Variants in TTC1 observed in about 807,000 individuals in gnomAD.
TTC1 encodes the protein tetratricopeptide repeat protein 1.
TTC1 carries 31 observed loss-of-function variants against 37.6 expected under a neutral mutation model. The observed-to-expected ratio is 0.82, with a 90% CI of 0.62 to 1.11. The LOEUF (loss-of-function observed/expected upper bound fraction) is 1.11. Among genes scored for constraint, TTC1 ranks in the 50% most tolerant of loss-of-function variants. The probability of loss-of-function intolerance (pLI) is 0.00; values close to 1 mark genes in which losing one functional copy is unlikely to be tolerated. For missense variants in TTC1, 351 were observed against 339.0 expected (o/e 1.04, Z -0.28); for synonymous variants, 127 against 122.4 (o/e 1.04, Z -0.25).
Position 160,043,164 on chromosome 5 carries a change from G to T in TTC1, c.536G>T (p.Ser179Ile). 7 of 1,613,344 alleles carry T rather than the reference G, an allele frequency of 4.3e-6. No homozygotes were observed. Among genetic ancestry groups the T allele is most frequent in the Non-Finnish European group, 5.9e-6 (7 of 1,179,634 alleles). Reference protein sequence around the residue: ...DKKEMAINDCSKAIQLNPSYI... With the variant: ...DKKEMAINDCIKAIQLNPSYI... ...AAAGAAATGGCCATCAATGACTGCAGCAAAGGTACAGCTTTATTATCTTAT... is the reference window on the plus strand; with the variant it reads ...AAAGAAATGGCCATCAATGACTGCATCAAAGGTACAGCTTTATTATCTTAT... The change falls in exon 5 of 8, where the codon AGC becomes ATC. Residue 179 changes from serine to isoleucine, a missense_variant. Coordinates refer to ENST00000231238, the MANE Select transcript of TTC1 (RefSeq NM_003314.3).
chr5:160,033,988 C>T (rs1415311593), intron 2 of TTC1, among the ~76,000 whole-genome samples: 1 of 152,176 alleles, frequency 6.6e-6, no homozygotes. Context: ...CAGTGGTGTG[C>T]ACCTATAGTC....
intron 2 of TTC1, among the ~76,000 whole-genome samples, chr5:160,014,260 A>G (rs1359174198): frequency 2.0e-5 from 3 of 152,018 alleles, no homozygotes; most frequent in Admixed American, 6.6e-5. Flanking sequence ...CAGGAGGATG[A>G]GGCAGGAGAA....
rs967277917 is a variant in TTC1, at chr5:160,029,561, T to C, written c.331-5579T>C. Reference sequence around the variant, plus strand: ...TACTGGGGAAGCTGAGGTGGGAGGATTGCTTGAGCCCAGGAGGTTGAGGCT... The same window carrying C: ...TACTGGGGAAGCTGAGGTGGGAGGACTGCTTGAGCCCAGGAGGTTGAGGCT... On this transcript the variant is annotated intron_variant, in intron 2 of 7. Coordinates refer to ENST00000231238, the MANE Select transcript of TTC1 (RefSeq NM_003314.3). Among the ~76,000 whole-genome samples the C allele has an allele frequency of 2.6e-5, 4 of 151,678 alleles. No homozygotes were observed. In the South Asian group the frequency reaches 8.3e-4, roughly 32 times the overall value.
chr5:160,020,470 G>A (rs890576097), intron 2 of TTC1, among the ~76,000 whole-genome samples: 4 of 152,166 alleles, frequency 2.6e-5, no homozygotes, highest in Non-Finnish European at 5.9e-5. Flanking sequence ...AACAGGGGTC[G>A]TCAACCCCCG....
chr5:160,049,356 G>T (rs1220971427), intron 5 of TTC1, among the ~76,000 whole-genome samples, 158 bp from the exon 6 acceptor site: 2 of 152,060 alleles, frequency 1.3e-5, no homozygotes, highest in African/African-American at 4.8e-5. Flanking sequence ...TTACTATCTT[G>T]CTCTTTATAG....
chr5:160,051,206 T>TGATCAAGCTGTTTA (rs1757395893), intron 7 of TTC1, 23 bp downstream of exon 7: 1 of 1,598,064 alleles, frequency 6.3e-7, no homozygotes, highest in African/African-American at 1.3e-5. Context: ...CTTACTTTGC[T>TGATCAAGCTGTTTA]TGATCATAAA....
chr5:160,064,315 G>C (rs1349746896), intron 7 of TTC1, among the ~76,000 whole-genome samples: 1 of 152,214 alleles, frequency 6.6e-6, no homozygotes, highest in Non-Finnish European at 1.5e-5. Context: ...AACTTGGGAA[G>C]AGGAGGCTGG....
intron 2 of TTC1, among the ~76,000 whole-genome samples, chr5:160,013,784 T>A (rs1445627168): frequency 2.0e-5 from 3 of 151,728 alleles, no homozygotes; most frequent in Non-Finnish European, 4.4e-5. Context: ...TTATGTCTCA[T>A]CTATCAGATC....
At chr5:160,011,603 C>A (rs1427860543) in intron 2 of TTC1, among the ~76,000 whole-genome samples, 4 of 152,230 alleles carry the variant, frequency 2.6e-5, no homozygotes, top group African/African-American at 9.6e-5. Flanking sequence ...ACAAAAACAT[C>A]TGTCTTCCTA....
At chr5:160,060,477 A>T (rs181398789) in intron 7 of TTC1, among the ~76,000 whole-genome samples, 1 of 152,350 alleles carries the variant, frequency 6.6e-6, no homozygotes, top group African/African-American at 2.4e-5. Context: ...ACGAGATCCT[A>T]ATAGTTCAGG....
At chr5:160,014,156 G>T (rs1012693898) in intron 2 of TTC1, among the ~76,000 whole-genome samples, 1 of 151,554 alleles carries the variant, frequency 6.6e-6, no homozygotes, top group African/African-American at 2.4e-5. Context: ...AGTTCGACCC[G>T]AGACCAGCCT....
chr5:160,050,872 C>T (rs754825166), intron 6 of TTC1, among the ~76,000 whole-genome samples: 14 of 152,006 alleles, frequency 9.2e-5, no homozygotes, highest in Non-Finnish European at 2.9e-5. Flanking sequence ...GCGATCCTCC[C>T]AACTCGGCCT....
At chr5:160,059,347 T>G (rs4623188) in intron 7 of TTC1, among the ~76,000 whole-genome samples, 1 of 152,146 alleles carries the variant, frequency 6.6e-6, no homozygotes, top group African/African-American at 2.4e-5. Context: ...CTTAAAGCAG[T>G]TTCCTCACTC....
chr5:160,035,003 G>C, intron 2 of TTC1, 137 bp from the exon 3 acceptor site: 1 of 599,162 alleles, frequency 1.7e-6, no homozygotes, highest in Non-Finnish European at 2.7e-6. Flanking sequence ...CACTGTACAA[G>C]GTTTTGGTGA....
intron 6 of TTC1, 30 bp from the exon 7 acceptor site, chr5:160,051,099 A>C (rs1409259074): frequency 2.2e-6 from 3 of 1,388,448 alleles, no homozygotes; most frequent in South Asian, 1.5e-5. Flanking sequence ...TTTTTTTTTT[A>C]CCAACCCTTG....
chr5:160,034,731 C>T lies in TTC1; in HGVS notation c.331-409C>T, dbSNP rs151298865. Among the ~76,000 whole-genome samples, 127 of 152,286 alleles carry T rather than the reference C, an allele frequency of 8.3e-4. 1 individual carries two copies. Among genetic ancestry groups the T allele is most frequent in the African/African-American group, 3.0e-3 (124 of 41,574 alleles). ...GAAGAAACTAAGGCTCAGAAAGATT[C>T]TGAAACTTGTCCGAGGCCACATAAC... On this transcript the variant is annotated intron_variant, in intron 2 of 7. Coordinates refer to ENST00000231238, the MANE Select transcript of TTC1 (RefSeq NM_003314.3).
At chr5:160,014,244 A>G (rs749157897) in intron 2 of TTC1, among the ~76,000 whole-genome samples, 2 of 151,922 alleles carry the variant, frequency 1.3e-5, no homozygotes, top group Non-Finnish European at 2.9e-5. Context: ...TGTAATCGCA[A>G]CTACTCAGGA....
chr5:160,055,303 A>G (rs1422807812), intron 7 of TTC1, among the ~76,000 whole-genome samples: 2 of 152,222 alleles, frequency 1.3e-5, no homozygotes, highest in Admixed American at 6.5e-5. Context: ...TTATTGAACT[A>G]TAAGGTAGCA....
At chr5:160,055,793 C>T (rs1051886041) in intron 7 of TTC1, among the ~76,000 whole-genome samples, 3 of 152,232 alleles carry the variant, frequency 2.0e-5, no homozygotes, top group African/African-American at 7.2e-5. Context: ...GAGACACCTC[C>T]TGAGCAAAAG....
Sources: gnomAD v4.1 joint callset for allele counts (sites outside exome capture counted in the v4.1 genomes callset) on GRCh38, gnomAD v4.1.1 for gene constraint, MANE v1.5 for transcripts, NCBI Gene and HGNC (gene_info 2026-07-23, HGNC 2026-07-21) for gene names.